The following NRG3 variants were observed in gnomAD, a reference collection of about 807,000 sequenced individuals.
NRG3 encodes pro-neuregulin-3, membrane-bound isoform.
A neutral mutation model predicts 66.9 loss-of-function variants in NRG3; 31 were observed. The ratio of observed to expected loss-of-function variants is 0.46; its 90% CI spans 0.35 to 0.63. The LOEUF is 0.63. Among genes scored for constraint, NRG3 ranks in the 20% least tolerant of loss-of-function variants. The pLI is 0.00. For synonymous variants in NRG3, 393 were observed against 359.4 expected (o/e 1.09, Z -1.06); for missense variants, 910 against 878.9 (o/e 1.04, Z -0.45).
intron 2 of NRG3, among the ~76,000 whole-genome samples, chr10:82,611,735 G>T (rs777371229): frequency 6.6e-6 from 1 of 152,146 alleles, no homozygotes; most frequent in Admixed American, 6.6e-5. Context: ...ACATACATGT[G>T]CATGTGTCTT....
At chr10:82,638,195 T>C (rs1345454478) in intron 2 of NRG3, among the ~76,000 whole-genome samples, 4 of 152,188 alleles carry the variant, frequency 2.6e-5, no homozygotes, top group Admixed American at 1.3e-4. Context: ...TTGGATGAAA[T>C]GCTCTTGGTA....
At chr10:82,413,779 T>C (rs1365180469) in intron 2 of NRG3, among the ~76,000 whole-genome samples, 3 of 152,184 alleles carry the variant, frequency 2.0e-5, no homozygotes, top group African/African-American at 7.2e-5. Flanking sequence ...ACATGTACTT[T>C]TATTTTATGG....
Position 81,875,560 on chromosome 10 carries a change from A to C in NRG3, c.220A>C (p.Ile74Leu). 6.2e-7 allele frequency: 1 copy of C among 1,613,258 alleles called. No homozygotes were observed. The highest frequency in any genetic ancestry group is 8.5e-7 in the Non-Finnish European group (1 of 1,179,878). Residue 74 changes from isoleucine (I) to leucine (L), a missense_variant, in exon 1 of 9, where the codon ATC (isoleucine) becomes CTC (leucine). By Grantham distance (5) the Ile-to-Leu change is conservative. Transcript: ENST00000372141. This position sits in a 1 kb window ranked among gnomAD's most constrained non-coding sequence, Gnocchi z 5.3. ...QTWLCVVPLF[I>L]GFIGLGLSLM... ...GTGGCTGTGCGTGGTACCTCTGTTC[A>C]TCGGCTTCATCGGCCTGGGGCTCAG...
intron 2 of NRG3, among the ~76,000 whole-genome samples, chr10:82,637,878 TA>T (rs1476110995): frequency 6.6e-6 from 1 of 151,450 alleles, no homozygotes; most frequent in African/African-American, 2.4e-5. Context: ...AGCAATGCGG[TA>T]AAGTTAATTT....
At chr10:82,899,601 T>C (rs948116525) in intron 4 of NRG3, among the ~76,000 whole-genome samples, 5 of 152,212 alleles carry the variant, frequency 3.3e-5, no homozygotes, top group African/African-American at 1.2e-4. Flanking sequence ...TGGAAGCATA[T>C]TTAGTAATAA....
At chr10:82,813,499 C>T (rs939728265) in intron 3 of NRG3, among the ~76,000 whole-genome samples, 1 of 152,128 alleles carries the variant, frequency 6.6e-6, no homozygotes, top group Admixed American at 6.5e-5. Flanking sequence ...CAGATGTGAG[C>T]CACCGTGCCC....
At chr10:82,670,245 ATC>A (rs770952048) in intron 2 of NRG3, among the ~76,000 whole-genome samples, 5 of 151,228 alleles carry the variant, frequency 3.3e-5, no homozygotes, top group Non-Finnish European at 7.4e-5. Context: ...CTTCTTTCAC[ATC>A]TCTGTTTTTT....
At chr10:82,340,545 T>C (rs530764620) in intron 1 of NRG3, among the ~76,000 whole-genome samples, 3 of 152,332 alleles carry the variant, frequency 2.0e-5, no homozygotes, top group African/African-American at 7.2e-5. Context: ...ATAAGATTTT[T>C]AAGTAATTAA....
At chr10:82,755,354 T>C (rs889605273) in intron 3 of NRG3, among the ~76,000 whole-genome samples, 6 of 152,110 alleles carry the variant, frequency 3.9e-5, no homozygotes, top group African/African-American at 1.4e-4. Context: ...TGTACACTCT[T>C]CTCAAACAAT....
intron 2 of NRG3, among the ~76,000 whole-genome samples, chr10:82,585,340 G>C (rs2046608938): frequency 6.6e-6 from 1 of 152,160 alleles, no homozygotes; most frequent in Admixed American, 6.5e-5. Context: ...GTGGACTAAT[G>C]AAAATAAGCA....
chr10:82,166,843 C>CT, intron 1 of NRG3: 1 of 653,886 alleles, frequency 1.5e-6, no homozygotes, highest in South Asian at 1.7e-5. Flanking sequence ...CTGAAACAGT[C>CT]TTTATTTATC....
At chr10:82,090,208 A>AT (rs1275327484) in intron 1 of NRG3, among the ~76,000 whole-genome samples, 1 of 152,190 alleles carries the variant, frequency 6.6e-6, no homozygotes, top group African/African-American at 2.4e-5. Context: ...AGACTACTAT[A>AT]TTTTTTATTG....
At chr10:82,166,735 A>G (rs370760920) in intron 1 of NRG3, 6 of 660,592 alleles carry the variant, frequency 9.1e-6, no homozygotes, top group Non-Finnish European at 1.7e-5. Flanking sequence ...AGATCAATAT[A>G]ATCATCTGGT....
chr10:82,242,024 A>G (rs2077028730), intron 1 of NRG3, among the ~76,000 whole-genome samples: 1 of 152,184 alleles, frequency 6.6e-6, no homozygotes, highest in Non-Finnish European at 1.5e-5. Flanking sequence ...CTAAGAAACA[A>G]TAAGCTCTTT....
intron 1 of NRG3, among the ~76,000 whole-genome samples, chr10:81,952,541 A>G (rs906369872): frequency 3.3e-5 from 5 of 152,128 alleles, no homozygotes; most frequent in African/African-American, 9.7e-5. Context: ...CTTGTTTCAG[A>G]TAACTGGTCA....
At chr10:82,511,317 T>C (rs1192360697) in intron 2 of NRG3, among the ~76,000 whole-genome samples, 1 of 152,196 alleles carries the variant, frequency 6.6e-6, no homozygotes, top group Non-Finnish European at 1.5e-5. Context: ...GTCCCCAATT[T>C]GTGCACGATT....
intron 1 of NRG3, among the ~76,000 whole-genome samples, chr10:81,899,220 G>A (rs1843799797): frequency 6.6e-6 from 1 of 152,102 alleles, no homozygotes; most frequent in African/African-American, 2.4e-5. Context: ...ATAACCAGTG[G>A]GGAACCATGC....
intron 1 of NRG3, among the ~76,000 whole-genome samples, chr10:82,212,619 C>T (rs940862623): frequency 2.0e-5 from 3 of 152,174 alleles, no homozygotes; most frequent in Non-Finnish European, 4.4e-5. Context: ...ATACCGATGT[C>T]TCTAAATTAA....
At chr10:82,465,644 G>A (rs1840597551) in intron 2 of NRG3, among the ~76,000 whole-genome samples, 1 of 152,096 alleles carries the variant, frequency 6.6e-6, no homozygotes, top group African/African-American at 2.4e-5. Flanking sequence ...AGGATCAAAG[G>A]GGAGCTTGAG....
Sources: gnomAD v4.1 joint callset for allele counts (sites outside exome capture counted in the v4.1 genomes callset) on GRCh38, gnomAD v4.1.1 for gene constraint, Gnocchi (gnomAD v3.1) non-coding constraint, MANE v1.5 for transcripts, NCBI Gene and HGNC (gene_info 2026-07-23, HGNC 2026-07-21) for gene names.